The following SLC29A4 variants were observed in gnomAD, a reference collection of about 807,000 sequenced individuals.
SLC29A4 encodes the protein solute carrier family 29 member 4, also known as equilibrative nucleoside transporter 4.
In SLC29A4, 36 loss-of-function variants were observed where a neutral mutation model predicts 43.9. The ratio of observed to expected loss-of-function variants is 0.82; its 90% confidence interval spans 0.63 to 1.08. The LOEUF is 1.08. SLC29A4 is among the 50% of genes least tolerant of loss of function. SLC29A4 has a pLI of 0.00. For synonymous variants in SLC29A4, 491 were observed against 338.0 expected, an observed-to-expected ratio of 1.45 and a Z score of -4.97; for missense variants, 869 against 755.3, an observed-to-expected ratio of 1.15 and a Z score of -1.77.
chr7:5,290,860 C>G lies in SLC29A4; in HGVS notation c.298C>G (p.Pro100Ala). The stretch of plus-strand genomic sequence containing the variant: ...CGTGGACTACCTGCATCACAAGTAC[C>G]CAGGTGGGTCCCTCCACGGTCACGC... ...TDVDYLHHKY[P>A]GTSIVFDMSL... The change falls in exon 3 of 11, where the codon CCA (proline) becomes GCA (alanine). Residue 100 changes from proline (P) to alanine (A), a missense_variant. Pro to Ala is a conservative substitution (Grantham distance 27, BLOSUM62 -1). Coordinates refer to ENST00000396872, the MANE Select transcript of SLC29A4 (RefSeq NM_153247.4). 7 of 1,610,290 alleles carry G rather than the reference C, an allele frequency of 4.3e-6. No homozygotes were observed. Among genetic ancestry groups the G allele is most frequent in the African/African-American group, 2.7e-5 (2 of 74,990 alleles).
chr7:5,300,398 G>C (rs376163880), intron 9 of SLC29A4, 24 bp from the exon 10 acceptor site: 2 of 1,610,030 alleles, frequency 1.2e-6, no homozygotes, highest in African/African-American at 2.7e-5. Context: ...GGGACAGGGC[G>C]CCCACTTGCC....
chr7:5,300,549 C>T lies in SLC29A4; in HGVS notation c.1337C>T (p.Pro446Leu), dbSNP rs768368568. 1.9e-6 allele frequency: 3 copies of T among 1,612,400 alleles called. No individual in the cohort carries two copies. Among genetic ancestry groups the T allele is most frequent in the South Asian group, 2.2e-5 (2 of 90,990 alleles). The stretch of plus-strand genomic sequence containing the variant: ...AGCGGCATGCCCGCCCTCCGTCACC[C>T]CGCCTGGCCCTGCATCTTCTCACTG... ...YPSGMPALRHPAWPCIFSLLM... is the reference protein window; with the variant it reads ...YPSGMPALRHLAWPCIFSLLM... Residue 446 changes from proline to leucine, a missense_variant, in exon 10 of 11, where the codon CCC becomes CTC. Pro to Leu is a moderately conservative substitution (Grantham distance 98). Transcript: ENST00000396872.
intron 2 of SLC29A4, among the ~76,000 whole-genome samples, chr7:5,288,989 G>A (rs979356618): frequency 1.1e-4 from 17 of 152,204 alleles, no homozygotes; most frequent in African/African-American, 3.9e-4. Flanking sequence ...CAGTGTGGTT[G>A]CATCAGAATC....
In SLC29A4 at chr7:5,287,932, C is replaced by T. The variant is rs143921693; in HGVS notation, c.116C>T (p.Ala39Val). 8.1e-5 allele frequency: 131 copies of T among 1,611,632 alleles called. No individual in the cohort carries two copies. The highest frequency in any genetic ancestry group is 9.8e-5 in the Non-Finnish European group (116 of 1,179,796). ...CACCAGCTGGAGGAGGCGGCGGAGG[C>T]GGCTCAGGGCCAGGGCCTTAGGGCC... ...DSHQLEEAAE[A>V]AQGQGLRARG... is the part of the protein sequence containing the mutation. The change falls in exon 2 of 11, where the codon GCG (alanine) becomes GTG (valine). Residue 39 changes from alanine to valine, a missense_variant. Physicochemically the swap from Ala to Val is moderately conservative, Grantham distance 64. Transcript: ENST00000396872.
intron 5 of SLC29A4, among the ~76,000 whole-genome samples, chr7:5,293,888 C>T (rs1300981242): frequency 1.3e-5 from 2 of 152,086 alleles, no homozygotes; most frequent in East Asian, 1.9e-4. Context: ...GGACAGATCA[C>T]GAGGTCAGGA....
At chr7:5,294,284 A>G (rs1023986717) in intron 5 of SLC29A4, among the ~76,000 whole-genome samples, 1 of 152,138 alleles carries the variant, frequency 6.6e-6, no homozygotes, top group Non-Finnish European at 1.5e-5. Flanking sequence ...CCCTGAGGCT[A>G]CTTCCAGGGC....
chr7:5,294,128 A>G (rs1785489614), intron 5 of SLC29A4, among the ~76,000 whole-genome samples: 1 of 151,920 alleles, frequency 6.6e-6, no homozygotes, highest in African/African-American at 2.4e-5. Context: ...AATTGTAAAG[A>G]CAAGATCTCA....
chr7:5,291,950 C>A, intron 5 of SLC29A4, 129 bp downstream of exon 5: 1 of 1,319,624 alleles, frequency 7.6e-7, no homozygotes, highest in Non-Finnish European at 1.0e-6. Flanking sequence ...AGGTGTGTGT[C>A]CACCTGCATG....
chr7:5,284,032 A>ACCCCCCCC (rs79051188), intron 1 of SLC29A4, among the ~76,000 whole-genome samples: 65 of 72,326 alleles, frequency 9.0e-4, no homozygotes, highest in African/African-American at 2.0e-3. Context: ...GAGCTGCACG[A>ACCCCCCCC]CCCCCCCCCC....
chr7:5,302,840 G>T lies in SLC29A4; in HGVS notation c.1494G>T (p.Gly498=), dbSNP rs1235356196. Residue 498 remains glycine, a synonymous_variant, in exon 11 of 11, where the codon GGG becomes GGT. Coordinates refer to ENST00000396872, the MANE Select transcript of SLC29A4 (RefSeq NM_153247.4). Reference sequence around the variant, plus strand: ...CCTACATGTCAGGGCTGACGCTGGGGTCCGCCGTGGCCTACTGCACCTACA... The same window carrying T: ...CCTACATGTCAGGGCTGACGCTGGGTTCCGCCGTGGCCTACTGCACCTACA... ...TVSYMSGLTL[G]SAVAYCTYSL... 15 of 1,582,610 alleles carry T rather than the reference G, an allele frequency of 9.5e-6. No individual in the cohort carries two copies. The highest frequency in any genetic ancestry group is 1.1e-5 in the Non-Finnish European group (13 of 1,164,732).
intron 2 of SLC29A4, among the ~76,000 whole-genome samples, chr7:5,289,197 G>C (rs1269328787): frequency 6.6e-6 from 1 of 152,106 alleles, no homozygotes; most frequent in Non-Finnish European, 1.5e-5. Flanking sequence ...AGGAGTTTGA[G>C]GCCGGCCTGA....
chr7:5,293,627 A>C (rs1785455341), intron 5 of SLC29A4, among the ~76,000 whole-genome samples: 1 of 152,026 alleles, frequency 6.6e-6, no homozygotes, highest in African/African-American at 2.4e-5. Flanking sequence ...TTGTTAAAAA[A>C]CAAAAAAAAT....
At chr7:5,290,397 A>G (rs1267250573) in intron 2 of SLC29A4, among the ~76,000 whole-genome samples, 4 of 151,976 alleles carry the variant, frequency 2.6e-5, no homozygotes, top group African/African-American at 4.8e-5. Context: ...GGGTTTCACC[A>G]TGTTGGCCAG....
chr7:5,291,041 C>T, intron 3 of SLC29A4, 83 bp from the exon 4 acceptor site: 1 of 1,558,292 alleles, frequency 6.4e-7, no homozygotes, highest in Non-Finnish European at 8.8e-7. Context: ...GGCAGCGAGC[C>T]CCTTCTGGGA....
rs764406416 is a variant in SLC29A4 at position 5,297,213 on chromosome 7, C to T, written c.882+15C>T. On this transcript the variant is annotated intron_variant, in intron 7 of 10. Coordinates refer to ENST00000396872, the MANE Select transcript of SLC29A4 (RefSeq NM_153247.4). The stretch of plus-strand genomic sequence containing the variant: ...ACGTCCACTTCGTAAGTGCGCACCG[C>T]CCACCTCTGTTCCCTTCTCTGTCCC... The T allele has an allele frequency of 5.7e-6, 9 of 1,568,658 alleles. No individual in the cohort carries two copies. The Admixed American group carries it at 7.1e-5, about 12-fold the overall frequency.
intron 5 of SLC29A4, among the ~76,000 whole-genome samples, chr7:5,292,270 C>T (rs1249517285): frequency 6.6e-6 from 1 of 152,148 alleles, no homozygotes; most frequent in Non-Finnish European, 1.5e-5. Flanking sequence ...GCCACCAAGC[C>T]TGGCTAATTT....
chr7:5,288,336 C>A (rs894861096), intron 2 of SLC29A4, among the ~76,000 whole-genome samples: 2 of 120,258 alleles, frequency 1.7e-5, no homozygotes, highest in African/African-American at 6.6e-5. Flanking sequence ...GACGGAGTCT[C>A]ACTCTGTCAC....
chr7:5,302,794 C>T lies in SLC29A4; in HGVS notation c.1451-3C>T. On this transcript the variant is annotated splice_polypyrimidine_tract_variant and splice_region_variant and intron_variant, in intron 10 of 10. Coordinates refer to ENST00000396872, the MANE Select transcript of SLC29A4 (RefSeq NM_153247.4). ...GCTCCCCTCAGGCTGGTGTTGTCCA[C>T]AGGGAACACCATGACCGTGTCCTAC... 4 of 1,554,332 alleles carry T rather than the reference C, an allele frequency of 2.6e-6. No individual in the cohort carries two copies. Among genetic ancestry groups the T allele is most frequent in the Non-Finnish European group, 3.5e-6 (4 of 1,148,986 alleles).
chr7:5,286,479 C>T (rs934657980), intron 1 of SLC29A4, among the ~76,000 whole-genome samples: 11 of 151,130 alleles, frequency 7.3e-5, no homozygotes, highest in Non-Finnish European at 1.6e-4. Context: ...GCCAAGATTG[C>T]TCCACTGCAC....
Sources: gnomAD v4.1 joint callset for allele counts (sites outside exome capture counted in the v4.1 genomes callset) on GRCh38, gnomAD v4.1.1 for gene constraint, MANE v1.5 for transcripts, NCBI Gene and HGNC (gene_info 2026-07-23, HGNC 2026-07-21) for gene names.